The following B3GALT1 variants were observed in gnomAD, a reference collection of about 807,000 sequenced individuals.
B3GALT1 encodes UDP-Gal:betaGlcNAc beta 1,3-galactosyltransferase, polypeptide 1.
A neutral mutation model predicts 23.2 loss-of-function variants in B3GALT1; 10 were observed. The ratio of observed to expected loss-of-function variants is 0.43; its 90% CI spans 0.27 to 0.73. The LOEUF is 0.73. Ranked by LOEUF, B3GALT1 falls within the 30% of genes least tolerant of loss-of-function variation. The pLI is 0.21. For missense variants in B3GALT1, 299 were observed against 405.4 expected (o/e 0.74, Z 2.25); for synonymous variants, 156 against 141.5 (o/e 1.10, Z -0.73).
chr2:167,295,542 A>C (rs565188540), intron 1 of B3GALT1, among the ~76,000 whole-genome samples: 24 of 152,314 alleles, frequency 1.6e-4, no homozygotes, highest in African/African-American at 5.3e-4. Flanking sequence ...TATACTTATT[A>C]ATTAACAATT....
In B3GALT1 at chr2:167,330,559, A is replaced by G. The variant is rs915742668; in HGVS notation, c.-511+37225A>G. On this transcript the variant is annotated intron_variant, in intron 1 of 4. Transcript: ENST00000392690. Reference sequence around the variant, plus strand: ...CAGGAGGTTGAGGCCGCAGTGAGCCATGATCACACCACTGCACTCCAGTTT... The same window carrying G: ...CAGGAGGTTGAGGCCGCAGTGAGCCGTGATCACACCACTGCACTCCAGTTT... Among the ~76,000 whole-genome samples, 10 of 152,232 alleles carry G rather than the reference A, an allele frequency of 6.6e-5. No homozygotes were observed. In the East Asian group the frequency reaches 7.7e-4, roughly 12 times the overall value.
At chr2:167,817,633 T>G (rs1437272794) in intron 3 of B3GALT1, among the ~76,000 whole-genome samples, 1 of 152,164 alleles carries the variant, frequency 6.6e-6, no homozygotes, top group Non-Finnish European at 1.5e-5. Context: ...TCTGTCCATA[T>G]TGTTCACATG....
chr2:167,306,494 A>G (rs145203310), intron 1 of B3GALT1, among the ~76,000 whole-genome samples: 11 of 152,154 alleles, frequency 7.2e-5, no homozygotes, highest in Non-Finnish European at 2.9e-5. Context: ...TTTAAATGAA[A>G]AAACAACTAT....
chr2:167,600,813 G>C (rs1436046152), intron 2 of B3GALT1, among the ~76,000 whole-genome samples: 2 of 151,884 alleles, frequency 1.3e-5, no homozygotes, highest in Admixed American at 6.6e-5. Context: ...AGGACAGTTT[G>C]GATTCTCCCC....
chr2:167,691,993 T>C (rs1001294121), intron 3 of B3GALT1, among the ~76,000 whole-genome samples: 3 of 152,160 alleles, frequency 2.0e-5, no homozygotes, highest in African/African-American at 2.4e-5. Flanking sequence ...TCAATATTCA[T>C]GTACGTATTA....
At chr2:167,682,293 C>T (rs1344770303) in intron 3 of B3GALT1, among the ~76,000 whole-genome samples, 8 of 152,136 alleles carry the variant, frequency 5.3e-5, no homozygotes, top group Admixed American at 6.5e-5. Flanking sequence ...GACCTTTCAA[C>T]GAATTAAAAG....
intron 1 of B3GALT1, among the ~76,000 whole-genome samples, chr2:167,448,969 T>G (rs934545770): frequency 1.3e-5 from 2 of 152,312 alleles, no homozygotes; most frequent in East Asian, 3.9e-4. Context: ...TGCCATTTTA[T>G]ACCAGTACCA....
At chr2:167,562,313 A>G (rs1487084796) in intron 2 of B3GALT1, among the ~76,000 whole-genome samples, 1 of 152,218 alleles carries the variant, frequency 6.6e-6, no homozygotes, top group African/African-American at 2.4e-5. Context: ...ATCTCAAAAT[A>G]ATAAGAGCTA....
intron 2 of B3GALT1, among the ~76,000 whole-genome samples, chr2:167,568,846 G>T (rs1684232157): frequency 6.6e-6 from 1 of 151,434 alleles, no homozygotes. Flanking sequence ...TTATTTTTGA[G>T]GATTTTTATA....
At chr2:167,385,842 C>T (rs1189094515) in intron 1 of B3GALT1, among the ~76,000 whole-genome samples, 1 of 152,100 alleles carries the variant, frequency 6.6e-6, no homozygotes. Flanking sequence ...CCTCAGGTTT[C>T]TTGGAGGATG....
chr2:167,351,442 C>A (rs941056843), intron 1 of B3GALT1, among the ~76,000 whole-genome samples: 2 of 152,114 alleles, frequency 1.3e-5, no homozygotes, highest in Non-Finnish European at 2.9e-5. Flanking sequence ...AAGTATACCT[C>A]CTGACAATAA....
chr2:167,606,011 G>C (rs1684956484), intron 2 of B3GALT1, among the ~76,000 whole-genome samples: 1 of 152,140 alleles, frequency 6.6e-6, no homozygotes, highest in African/African-American at 2.4e-5. Context: ...AAGACTGTTG[G>C]TTATATCCTC....
chr2:167,391,667 C>A (rs142120956), intron 1 of B3GALT1, among the ~76,000 whole-genome samples: 54 of 152,222 alleles, frequency 3.5e-4, no homozygotes, highest in African/African-American at 1.2e-3. Flanking sequence ...TACAAGCATT[C>A]TCCTCTCAAC....
intron 3 of B3GALT1, among the ~76,000 whole-genome samples, chr2:167,650,757 C>T (rs764028723): frequency 4.6e-5 from 7 of 151,996 alleles, no homozygotes; most frequent in Non-Finnish European, 8.8e-5. Context: ...TTCTGTACTT[C>T]CAGGATCCCT....
chr2:167,645,368 G>A (rs1372085762), intron 2 of B3GALT1, among the ~76,000 whole-genome samples: 1 of 152,032 alleles, frequency 6.6e-6, no homozygotes, highest in Non-Finnish European at 1.5e-5. Flanking sequence ...TTTTGGAGGA[G>A]CAGGGTGATG....
At chr2:167,677,889 G>T (rs1686454934) in intron 3 of B3GALT1, among the ~76,000 whole-genome samples, 1 of 152,176 alleles carries the variant, frequency 6.6e-6, no homozygotes. Flanking sequence ...AAGAAGTACA[G>T]AGTAAAGGTG....
At chr2:167,438,844 G>T (rs898996813) in intron 1 of B3GALT1, among the ~76,000 whole-genome samples, 1 of 152,180 alleles carries the variant, frequency 6.6e-6, no homozygotes, top group South Asian at 2.1e-4. Context: ...CAGTCTAGTG[G>T]ATTGATACTG....
chr2:167,794,287 G>A (rs535393586), intron 3 of B3GALT1, among the ~76,000 whole-genome samples: 4 of 152,298 alleles, frequency 2.6e-5, no homozygotes, highest in African/African-American at 7.2e-5. Context: ...CCTAATGAAT[G>A]TATGTTTTAT....
In B3GALT1 at chr2:167,466,870, G is replaced by A. The variant is rs180856637; in HGVS notation, c.-510-23307G>A. ...TGGGACTACAGGCGCCCGCCACCAC[G>A]CCTGGCTAATTTTTTTTTTTTTTTT... On this transcript the variant is annotated intron_variant, in intron 1 of 4. Coordinates refer to ENST00000392690, the MANE Select transcript of B3GALT1 (RefSeq NM_020981.4). 9.3e-3 allele frequency among the ~76,000 whole-genome samples: 856 copies of A among 92,478 alleles called. 9 individuals carry two copies. The highest frequency in any genetic ancestry group is 0.031 in the African/African-American group (803 of 25,982). The allele number at this position is 92,478 out of a possible 152,430, so 60.7% of individuals were successfully genotyped here.
Sources: allele counts gnomAD v4.1 joint callset (sites outside exome capture counted in the v4.1 genomes callset), GRCh38; gene constraint gnomAD v4.1.1; transcripts MANE v1.5; gene names NCBI Gene and HGNC (gene_info 2026-07-23, HGNC 2026-07-21).